TMC7: variants seen among roughly 807,000 people sequenced by gnomAD.
TMC7 encodes transmembrane channel like 7.
In TMC7, 54 loss-of-function variants were observed where a neutral mutation model predicts 82.9. That is an observed-to-expected ratio of 0.65 (90% CI 0.52 to 0.82). The LOEUF (loss-of-function observed/expected upper bound fraction) is 0.82, where lower values mean the gene tolerates loss of function less well. Among genes scored for constraint, TMC7 ranks in the 40% least tolerant of loss-of-function variants. The probability of loss-of-function intolerance (pLI) is 0.00; values close to 1 mark genes in which losing one functional copy is unlikely to be tolerated. For synonymous variants in TMC7, 350 were observed against 337.9 expected, an observed-to-expected ratio of 1.04 and a Z score of -0.39; for missense variants, 820 against 901.2, an observed-to-expected ratio of 0.91 and a Z score of 1.15.
At chr16:19,060,522 T>A (rs1391858610) in intron 15 of TMC7, among the ~76,000 whole-genome samples, 1 of 151,904 alleles carries the variant, frequency 6.6e-6, no homozygotes, top group East Asian at 1.9e-4. Flanking sequence ...GAGACTTGAA[T>A]AATAGAGAGA....
intron 12 of TMC7, among the ~76,000 whole-genome samples, chr16:19,047,627 C>G (rs918373877): frequency 6.6e-5 from 10 of 151,280 alleles, no homozygotes; most frequent in Non-Finnish European, 1.3e-4. Flanking sequence ...GAACTTGTGA[C>G]CTCATGATCC....
chr16:18,987,758 C>T (rs1464204563), intron 1 of TMC7, among the ~76,000 whole-genome samples: 1 of 152,232 alleles, frequency 6.6e-6, no homozygotes, highest in Non-Finnish European at 1.5e-5. Context: ...TGCAGCCACA[C>T]TGGCAGCCGT....
chr16:18,984,297 C>T (rs1326457491), intron 1 of TMC7, 167 bp downstream of exon 1: 5 of 1,324,250 alleles, frequency 3.8e-6, no homozygotes, highest in African/African-American at 3.1e-5. Flanking sequence ...TTCCTTATTC[C>T]TGCTCCCTCC....
At chr16:19,028,122 G>A (rs1402114263) in intron 5 of TMC7, among the ~76,000 whole-genome samples, 1 of 152,042 alleles carries the variant, frequency 6.6e-6, no homozygotes, top group African/African-American at 2.4e-5. Context: ...AATGCTGTAG[G>A]GAACCTCTAT....
At chr16:19,041,617 C>T (rs1159789362) in intron 9 of TMC7, among the ~76,000 whole-genome samples, 1 of 152,130 alleles carries the variant, frequency 6.6e-6, no homozygotes, top group African/African-American at 2.4e-5. Context: ...GATGATCCAC[C>T]CACCTTAGCC....
At chr16:19,045,203 C>T in intron 10 of TMC7, 138 bp from the exon 11 acceptor site, 3 of 846,722 alleles carry the variant, frequency 3.5e-6, no homozygotes, top group Admixed American at 4.0e-5. Context: ...TGCTGAGGCT[C>T]AGAGTTTGCA....
Position 19,049,731 on chromosome 16 carries a change from C to T in TMC7, c.1741-1955C>T, listed in dbSNP as rs146567458. 7.5e-3 allele frequency: 6,821 copies of T among 907,270 alleles called. 30 individuals carry two copies. Among genetic ancestry groups the T allele is most frequent in the Middle Eastern group, 0.025 (44 of 1,788 alleles). The allele number at this position is 907,270 out of a possible 1,614,324, so 56.2% of individuals were successfully genotyped here. On this transcript the variant is annotated intron_variant, in intron 12 of 15. Transcript: ENST00000304381. ...GTCACTCACACCAGGCATGTCCCGC[C>T]GGCTGCCCCGAGGCTGGGCACCAAG...
chr16:19,019,912 A>C (rs1180487971), intron 3 of TMC7, among the ~76,000 whole-genome samples: 1 of 152,188 alleles, frequency 6.6e-6, no homozygotes, highest in East Asian at 1.9e-4. Flanking sequence ...AGTGGCAAAA[A>C]ACTGTGGGTA....
At chr16:19,008,764 T>C (rs2039284918) in intron 1 of TMC7, among the ~76,000 whole-genome samples, 1 of 152,196 alleles carries the variant, frequency 6.6e-6, no homozygotes, top group South Asian at 2.1e-4. Context: ...TTATGCTTTT[T>C]AGAGTTTTAT....
chr16:19,000,309 T>C (rs2039119923), intron 1 of TMC7, among the ~76,000 whole-genome samples: 1 of 151,204 alleles, frequency 6.6e-6, no homozygotes, highest in African/African-American at 2.4e-5. Context: ...CTACCAAAAA[T>C]ACAAAAAATT....
chr16:19,056,697 G>C lies in TMC7; in HGVS notation c.2027G>C (p.Cys676Ser), dbSNP rs1567531793. ...GCAGTTCCTTTCTTCATGATTATTTGGTGAGTGAGAACCACCAGGACCCAC... is the reference window on the plus strand; with the variant it reads ...GCAGTTCCTTTCTTCATGATTATTTCGTGAGTGAGAACCACCAGGACCCAC... Reference protein sequence around the residue: ...AFAVPFFMIICLIMFYFIALA... With the variant: ...AFAVPFFMIISLIMFYFIALA... The change falls in exon 14 of 16, where the codon TGC becomes TCC. Residue 676 changes from cysteine to serine, a missense_variant and splice_region_variant. Cys to Ser is a moderately radical substitution (Grantham distance 112). Around this residue, in one of 2 missense-constraint regions of TMC7, gnomAD observed 170 missense variants for 231.3 expected, o/e 0.74. Coordinates refer to ENST00000304381, the MANE Select transcript of TMC7 (RefSeq NM_024847.4). The C allele has an allele frequency of 2.5e-6, 4 of 1,613,592 alleles. No homozygotes were observed. The highest frequency in any genetic ancestry group is 3.4e-6 in the Non-Finnish European group (4 of 1,179,766).
At chr16:19,004,022 T>G (rs372130891) in intron 1 of TMC7, among the ~76,000 whole-genome samples, 1 of 55,688 alleles carries the variant, frequency 1.8e-5, no homozygotes, top group East Asian at 5.3e-4. Context: ...ACCCAAGAAT[T>G]ATCAATAAAA....
chr16:18,996,650 C>T (rs184665079), intron 1 of TMC7, among the ~76,000 whole-genome samples: 2 of 152,108 alleles, frequency 1.3e-5, no homozygotes, highest in East Asian at 1.9e-4. Context: ...GAATGGAGGG[C>T]GGAAGGTTGC....
At chr16:18,984,550 T>G in intron 1 of TMC7, 2 of 1,001,582 alleles carry the variant, frequency 2.0e-6, no homozygotes, top group Non-Finnish European at 1.2e-6. Context: ...AACCGAATTC[T>G]GCCTTGTCTG....
intron 6 of TMC7, chr16:19,033,960 C>A (rs536293962): frequency 6.6e-6 from 1 of 152,316 alleles, no homozygotes; most frequent in East Asian, 1.9e-4. Context: ...ACTGGCAAAT[C>A]CTAAAAATAA....
intron 6 of TMC7, among the ~76,000 whole-genome samples, chr16:19,030,863 G>A (rs375050637): frequency 7.9e-5 from 12 of 152,128 alleles, no homozygotes; most frequent in South Asian, 2.1e-4. Flanking sequence ...GTGAGCCACC[G>A]CACCTAGCCT....
intron 6 of TMC7, among the ~76,000 whole-genome samples, chr16:19,032,037 TG>T (rs1960541015): frequency 6.6e-6 from 1 of 152,210 alleles, no homozygotes; most frequent in African/African-American, 2.4e-5. Context: ...TTATAGAAGA[TG>T]GACCACAAAT....
chr16:18,990,023 T>C (rs914869844), intron 1 of TMC7, among the ~76,000 whole-genome samples: 7 of 151,900 alleles, frequency 4.6e-5, no homozygotes, highest in East Asian at 1.9e-4. Flanking sequence ...TTAGTTCTTA[T>C]AGGTTTTGGG....
At chr16:19,038,657 C>T (rs549265868) in intron 8 of TMC7, among the ~76,000 whole-genome samples, 33 of 152,064 alleles carry the variant, frequency 2.2e-4, no homozygotes, top group Non-Finnish European at 4.1e-4. Context: ...GCTGGCATTA[C>T]AGGGATGTGC....
Sources: gnomAD v4.1 joint callset for allele counts (sites outside exome capture counted in the v4.1 genomes callset) on GRCh38, gnomAD v4.1.1 for gene constraint, gnomAD v4.1.1 regional missense constraint, MANE v1.5 for transcripts, NCBI Gene and HGNC (gene_info 2026-07-23, HGNC 2026-07-21) for gene names.